Variants in ITGAM observed in about 807,000 individuals in gnomAD.
ITGAM encodes integrin alpha-M.
A neutral mutation model predicts 137.5 loss-of-function variants in ITGAM; 79 were observed. That is an observed-to-expected ratio of 0.57 (90% confidence interval 0.48 to 0.69). ITGAM has a LOEUF of 0.69. Ranked by LOEUF, ITGAM falls within the 30% of genes least tolerant of loss-of-function variation. ITGAM has a pLI of 0.00. For missense variants in ITGAM, 1,343 were observed against 1,483.5 expected, an observed-to-expected ratio of 0.91 and a Z score of 1.56; for synonymous variants, 583 against 592.3, an observed-to-expected ratio of 0.98 and a Z score of 0.23.
intron 19 of ITGAM, 27 bp downstream of exon 19, chr16:31,325,058 T>C (rs2080492472): frequency 6.3e-7 from 1 of 1,589,802 alleles, no homozygotes; most frequent in African/African-American, 1.4e-5. Context: ...CCTCACCTCC[T>C]CCAGAGAAGG....
chr16:31,330,213 C>G, intron 26 of ITGAM, 49 bp downstream of exon 26: 2 of 1,599,184 alleles, frequency 1.3e-6, no homozygotes, highest in Non-Finnish European at 1.7e-6. Context: ...CAGAGCGCTT[C>G]CCTGCTGGAA....
At position 31,271,082 on chromosome 16, in the gene ITGAM, T is replaced by A. The variant is rs1306417756; in HGVS notation, c.556T>A (p.Leu186Met). 1.3e-6 allele frequency: 2 copies of A among 1,563,174 alleles called. No homozygotes were observed. The highest frequency in any genetic ancestry group is 2.7e-5 in the African/African-American group (2 of 73,450). The change falls in exon 6 of 30, where the codon TTG (leucine) becomes ATG (methionine). Residue 186 changes from leucine to methionine, a missense_variant and splice_region_variant. Coordinates refer to ENST00000544665, the MANE Select transcript of ITGAM (RefSeq NM_000632.4). ...VMEQLKKSKT[L>M]FSLMQYSEEF... ...GGAGCAATTAAAAAAGTCCAAAACC[T>A]TGGTGAGGGCCCAGGGGTAGGTTAG...
chr16:31,261,393 G>A (rs2144241682), intron 1 of ITGAM, among the ~76,000 whole-genome samples: 1 of 151,940 alleles, frequency 6.6e-6, no homozygotes, highest in South Asian at 2.1e-4. Flanking sequence ...TGTTGCCTAG[G>A]CTGGTCTTAA....
chr16:31,267,729 T>C (rs2079785407), intron 5 of ITGAM, among the ~76,000 whole-genome samples: 1 of 152,144 alleles, frequency 6.6e-6, no homozygotes, highest in Non-Finnish European at 1.5e-5. Context: ...CTCGGCTCAC[T>C]GCAGCCTCTG....
chr16:31,281,924 G>A (rs1295755311), intron 12 of ITGAM, among the ~76,000 whole-genome samples: 1 of 152,102 alleles, frequency 6.6e-6, no homozygotes, highest in Non-Finnish European at 1.5e-5. Flanking sequence ...TTGTGTCTTT[G>A]TTCTCATTGG....
chr16:31,261,237 C>G (rs569337211), intron 1 of ITGAM, among the ~76,000 whole-genome samples: 1 of 136,850 alleles, frequency 7.3e-6, no homozygotes, highest in East Asian at 2.2e-4. Flanking sequence ...GGGTCTTTCT[C>G]TGTTGCCCAG....
At chr16:31,317,075 T>A (rs1417418882) in intron 14 of ITGAM, among the ~76,000 whole-genome samples, 1 of 152,184 alleles carries the variant, frequency 6.6e-6, no homozygotes, top group Non-Finnish European at 1.5e-5. Context: ...ATTTCTAACT[T>A]GAATGCATTT....
intron 5 of ITGAM, 47 bp from the exon 6 acceptor site, chr16:31,270,898 AACCCAAAAC>A: frequency 1.5e-6 from 2 of 1,332,934 alleles, no homozygotes; most frequent in Non-Finnish European, 9.8e-7. Context: ...CATGCAAAAA[AACCCAAAAC>A]ACCAAGTGTC....
At chr16:31,274,514 C>T (rs2079884668) in intron 8 of ITGAM, among the ~76,000 whole-genome samples, 1 of 152,188 alleles carries the variant, frequency 6.6e-6, no homozygotes, top group African/African-American at 2.4e-5. Flanking sequence ...CTCTTCTAGT[C>T]ACAGAGCTGT....
chr16:31,277,813 G>T (rs2079925486), intron 11 of ITGAM, among the ~76,000 whole-genome samples, 154 bp from the exon 12 acceptor site: 1 of 152,100 alleles, frequency 6.6e-6, no homozygotes, highest in Non-Finnish European at 1.5e-5. Context: ...AAATTGAATT[G>T]TAATTATGTT....
At chr16:31,285,311 C>T (rs2080017146) in intron 12 of ITGAM, among the ~76,000 whole-genome samples, 1 of 152,096 alleles carries the variant, frequency 6.6e-6, no homozygotes, top group African/African-American at 2.4e-5. Flanking sequence ...TTAGTTTTTA[C>T]TTCTTTCTTT....
chr16:31,286,078 T>C (rs2080026629), intron 12 of ITGAM, among the ~76,000 whole-genome samples: 1 of 152,164 alleles, frequency 6.6e-6, no homozygotes, highest in South Asian at 2.1e-4. Context: ...TAGCTCCCAC[T>C]TATAAGTGAG....
chr16:31,331,155 C>T lies in ITGAM; in HGVS notation c.3277-10C>T, dbSNP rs754589745. 2 of 1,513,936 alleles carry T rather than the reference C, an allele frequency of 1.3e-6. No individual in the cohort carries two copies. Among genetic ancestry groups the T allele is most frequent in the Non-Finnish European group, 9.2e-7 (1 of 1,091,584 alleles). 93.8% of individuals were successfully genotyped at this position (1,513,936 alleles called of 1,614,324 possible). ...GTCGTCTCCCCTGACGCCCCTCCTT[C>T]CTCCCCCAGACGGAGACCAAAGTGG... On this transcript the variant is annotated splice_polypyrimidine_tract_variant and intron_variant, in intron 28 of 29. Transcript: ENST00000544665.
intron 14 of ITGAM, among the ~76,000 whole-genome samples, chr16:31,313,294 A>G (rs1041836102): frequency 1.3e-5 from 2 of 152,110 alleles, no homozygotes; most frequent in African/African-American, 4.8e-5. Context: ...TACAAGTGCC[A>G]TGGTGGTTTG....
chr16:31,272,601 A>T (rs947477060), intron 7 of ITGAM, among the ~76,000 whole-genome samples: 5 of 142,172 alleles, frequency 3.5e-5, no homozygotes, highest in African/African-American at 1.3e-4. Context: ...CTCCTGCCTC[A>T]GCCTCCTGAG....
chr16:31,324,939 C>A lies in ITGAM; in HGVS notation c.2290-19C>A. On this transcript the variant is annotated intron_variant, in intron 18 of 29. Coordinates refer to ENST00000544665, the MANE Select transcript of ITGAM (RefSeq NM_000632.4). The surrounding 1 kb of genome is among the most constrained non-coding windows in gnomAD (Gnocchi z 4.5). ...GTTATTTTCTTTCCTTTCATTTGAT[C>A]ATATTTATTTTTTAAAAGTTTCCCT... 6.3e-7 allele frequency: 1 copy of A among 1,594,666 alleles called. No individual in the cohort carries two copies. Among genetic ancestry groups the A allele is most frequent in the Non-Finnish European group, 8.6e-7 (1 of 1,169,386 alleles).
intron 6 of ITGAM, 102 bp from the exon 7 acceptor site, chr16:31,271,745 A>C: frequency 1.4e-6 from 2 of 1,397,962 alleles, no homozygotes; most frequent in Non-Finnish European, 9.8e-7. Flanking sequence ...CAGAGGAGGA[A>C]TTTGGAGAGT....
chr16:31,329,677 T>G, intron 24 of ITGAM, 121 bp from the exon 25 acceptor site: 1 of 747,180 alleles, frequency 1.3e-6, no homozygotes, highest in Non-Finnish European at 2.2e-6. Context: ...CACTCTACTC[T>G]CTCAAACAGG....
In ITGAM at chr16:31,328,796, G is replaced by A. The variant is rs1231774542; in HGVS notation, c.2793-432G>A. Among the ~76,000 whole-genome samples the A allele has an allele frequency of 2.7e-5, 4 of 149,576 alleles. No homozygotes were observed. In the East Asian group the frequency reaches 5.9e-4, roughly 22 times the overall value. On this transcript the variant is annotated intron_variant, in intron 23 of 29. Coordinates refer to ENST00000544665, the MANE Select transcript of ITGAM (RefSeq NM_000632.4). ...CGCATGGGTGTGTATTTGTGCATGT[G>A]TGTGTGTGAAGGTCTATGTGCATGT... is the stretch of plus-strand genomic sequence containing the variant.
Sources: allele counts gnomAD v4.1 joint callset (sites outside exome capture counted in the v4.1 genomes callset), GRCh38; gene constraint gnomAD v4.1.1; non-coding constraint Gnocchi (gnomAD v3.1); transcripts MANE v1.5; gene names NCBI Gene and HGNC (gene_info 2026-07-23, HGNC 2026-07-21).